Variants in RBPJ observed in about 807,000 individuals in gnomAD.
RBPJ encodes recombination signal binding protein for immunoglobulin kappa J region.
A neutral mutation model predicts 67.8 loss-of-function variants in RBPJ; 9 were observed. The ratio of observed to expected loss-of-function variants is 0.13; its 90% confidence interval spans 0.08 to 0.23. The LOEUF (loss-of-function observed/expected upper bound fraction) is 0.23. RBPJ is among the 10% of genes least tolerant of loss of function. The pLI is 1.00. For missense variants in RBPJ, 305 were observed against 595.6 expected, an observed-to-expected ratio of 0.51 and a Z score of 5.08; for synonymous variants, 198 against 203.3, an observed-to-expected ratio of 0.97 and a Z score of 0.22.
chr4:26,273,675 G>A (rs1720984887), intron 1 of RBPJ, among the ~76,000 whole-genome samples: 1 of 152,210 alleles, frequency 6.6e-6, no homozygotes, highest in African/African-American at 2.4e-5. Context: ...AGCGGGGCCT[G>A]GGAGCTCTTT....
At chr4:26,277,727 G>C (rs1009950062) in intron 1 of RBPJ, among the ~76,000 whole-genome samples, 1 of 152,246 alleles carries the variant, frequency 6.6e-6, no homozygotes, top group Non-Finnish European at 1.5e-5. Context: ...GAGAGACTTA[G>C]TATGCTCATA....
intron 1 of RBPJ, among the ~76,000 whole-genome samples, chr4:26,214,479 AAC>A (rs1256466268): frequency 1.8e-5 from 2 of 113,596 alleles, no homozygotes; most frequent in Non-Finnish European, 3.7e-5. Context: ...AAGAAAGAGA[AAC>A]AAGGAGGGAA....
chr4:26,334,434 C>G (rs946412023), intron 1 of RBPJ, among the ~76,000 whole-genome samples: 1 of 151,794 alleles, frequency 6.6e-6, no homozygotes, highest in African/African-American at 2.4e-5. Context: ...TGTATACATC[C>G]TGTGTGGCCT....
chr4:26,355,992 T>C (rs181626659), intron 1 of RBPJ, among the ~76,000 whole-genome samples: 95 of 152,302 alleles, frequency 6.2e-4, no homozygotes, highest in African/African-American at 2.2e-3. Context: ...GGGCAAGAGA[T>C]TTTGTTAAGG....
chr4:26,144,391 C>T, the RBPJ span, among the ~76,000 whole-genome samples: 1 of 151,112 alleles, frequency 6.6e-6, no homozygotes, highest in Non-Finnish European at 1.5e-5. Flanking sequence ...TGCCTCAGCC[C>T]CCCGAGTAGC....
intron 1 of RBPJ, among the ~76,000 whole-genome samples, chr4:26,228,971 A>G (rs1719180593): frequency 6.6e-6 from 1 of 152,222 alleles, no homozygotes. Context: ...TCAGCACTTA[A>G]TAAAACAACT....
At chr4:26,267,543 C>G (rs2109257997) in intron 1 of RBPJ, among the ~76,000 whole-genome samples, 1 of 152,064 alleles carries the variant, frequency 6.6e-6, no homozygotes. Context: ...TGGCAGGAAA[C>G]TTCACAATTT....
At chr4:26,186,882 G>A (rs1183466101) in intron 1 of RBPJ, among the ~76,000 whole-genome samples, 2 of 152,088 alleles carry the variant, frequency 1.3e-5, no homozygotes, top group South Asian at 2.1e-4. Context: ...TATTATCCAC[G>A]GAATACCCCA....
At chr4:26,129,912 G>C in the RBPJ span, among the ~76,000 whole-genome samples, 1 of 151,688 alleles carries the variant, frequency 6.6e-6, no homozygotes, top group African/African-American at 2.4e-5. Context: ...CCCAGGCTGG[G>C]GTGCAGCAGC....
intron 1 of RBPJ, among the ~76,000 whole-genome samples, chr4:26,171,517 C>T (rs550516618): frequency 4.6e-5 from 7 of 152,174 alleles, no homozygotes; most frequent in South Asian, 4.2e-4. Context: ...TGCAGTGAGC[C>T]GTGATTGTGC....
chr4:26,379,090 A>G (rs1281289640), intron 1 of RBPJ, among the ~76,000 whole-genome samples: 2 of 152,210 alleles, frequency 1.3e-5, no homozygotes. Flanking sequence ...CTGTACAGCA[A>G]ATATAATGAG....
intron 1 of RBPJ, among the ~76,000 whole-genome samples, chr4:26,208,105 C>T (rs988745545): frequency 6.6e-6 from 1 of 152,208 alleles, no homozygotes; most frequent in African/African-American, 2.4e-5. Context: ...TCAAGCGCAA[C>T]AGAATAATAG....
Position 26,253,785 on chromosome 4 carries a change from C to G in RBPJ, c.-167+90171C>G, listed in dbSNP as rs1194359261. On this transcript the variant is annotated intron_variant, in intron 1 of 4. Transcript: ENST00000512351. ...TTGACTTCAGATCATAAACTGGAAA[C>G]TTGTTTTTGTATTTTATGAAAATCC... 5.4e-5 allele frequency among the ~76,000 whole-genome samples: 8 copies of G among 148,470 alleles called. 2 individuals are homozygous for G. The highest frequency in any genetic ancestry group is 1.6e-4 in the African/African-American group (6 of 38,066).
chr4:26,288,098 AGAT>A (rs1266934537), intron 1 of RBPJ, among the ~76,000 whole-genome samples: 2 of 152,230 alleles, frequency 1.3e-5, no homozygotes, highest in African/African-American at 4.8e-5. Context: ...AAGGATGGGT[AGAT>A]AACTACAGAC....
intron 1 of RBPJ, among the ~76,000 whole-genome samples, chr4:26,327,743 G>C (rs973482812): frequency 1.3e-5 from 2 of 152,022 alleles, no homozygotes; most frequent in Admixed American, 1.3e-4. Flanking sequence ...ACTTTGGGAG[G>C]CTGAGGTAGG....
intron 1 of RBPJ, among the ~76,000 whole-genome samples, chr4:26,251,539 G>C (rs1720108386): frequency 6.6e-6 from 1 of 151,490 alleles, no homozygotes; most frequent in African/African-American, 2.4e-5. Context: ...AGGAGGCTAA[G>C]GCATGAGAAT....
intron 1 of RBPJ, among the ~76,000 whole-genome samples, chr4:26,235,655 T>C (rs1719430999): frequency 6.6e-6 from 1 of 152,228 alleles, no homozygotes; most frequent in African/African-American, 2.4e-5. Context: ...CAGGCTCTCA[T>C]GATGCCCTCT....
chr4:26,221,510 A>T (rs1718910102), intron 1 of RBPJ, among the ~76,000 whole-genome samples: 1 of 152,218 alleles, frequency 6.6e-6, no homozygotes. Context: ...GAAAGGCTAT[A>T]ATGATCTTTG....
intron 1 of RBPJ, among the ~76,000 whole-genome samples, chr4:26,251,402 G>C (rs187540705): frequency 6.6e-6 from 1 of 152,030 alleles, no homozygotes; most frequent in African/African-American, 2.4e-5. Context: ...ATGGGAGGCC[G>C]AGGCAGGTGG....
Sources: allele counts gnomAD v4.1 joint callset (sites outside exome capture counted in the v4.1 genomes callset), GRCh38; gene constraint gnomAD v4.1.1; transcripts MANE v1.5; gene names NCBI Gene and HGNC (gene_info 2026-07-23, HGNC 2026-07-21).